The following NAV3 variants were observed in gnomAD, a reference collection of about 807,000 sequenced individuals.
NAV3 encodes the protein neuron navigator 3, also known as pore membrane and/or filament interacting like protein 1.
NAV3 carries 87 observed loss-of-function variants against 244.7 expected under a neutral mutation model. The ratio of observed to expected loss-of-function variants is 0.36; its 90% CI spans 0.30 to 0.42. NAV3 has a LOEUF of 0.42. NAV3 is among the 20% of genes least tolerant of loss of function. NAV3 has a pLI of 1.00. For missense variants in NAV3, 2,663 were observed against 2,893.3 expected, an observed-to-expected ratio of 0.92 and a Z score of 1.83; for synonymous variants, 1,126 against 1,042.2, an observed-to-expected ratio of 1.08 and a Z score of -1.55.
At chr12:77,790,585 T>G (rs543068227) in intron 2 of NAV3, among the ~76,000 whole-genome samples, 1 of 152,314 alleles carries the variant, frequency 6.6e-6, no homozygotes, top group African/African-American at 2.4e-5. Context: ...CAATCTGGCT[T>G]CATGGTTTGA....
chr12:77,728,794 A>G (rs1876996059), intron 2 of NAV3, among the ~76,000 whole-genome samples: 1 of 151,750 alleles, frequency 6.6e-6, no homozygotes, highest in South Asian at 2.1e-4. Flanking sequence ...TTATACCTAG[A>G]TCTTTTTCAA....
intron 5 of NAV3, among the ~76,000 whole-genome samples, chr12:77,978,032 TA>T (rs546431103): frequency 4.6e-4 from 69 of 150,016 alleles, no homozygotes; most frequent in African/African-American, 1.0e-3. Flanking sequence ...GTTTTGTTTG[TA>T]AAAAAAAAAT....
intron 1 of NAV3, among the ~76,000 whole-genome samples, chr12:77,896,298 A>G (rs1217099375): frequency 6.6e-6 from 1 of 152,194 alleles, no homozygotes; most frequent in Non-Finnish European, 1.5e-5. Context: ...TTAATGTAAC[A>G]AAACAGGATA....
At chr12:77,679,834 G>A (rs535552905) in intron 2 of NAV3, among the ~76,000 whole-genome samples, 12 of 152,264 alleles carry the variant, frequency 7.9e-5, no homozygotes, top group East Asian at 1.9e-4. Flanking sequence ...TAGGAGTGCC[G>A]TATGCCCATA....
chr12:78,074,881 T>C (rs1217069810), intron 12 of NAV3, among the ~76,000 whole-genome samples: 1 of 152,202 alleles, frequency 6.6e-6, no homozygotes, highest in African/African-American at 2.4e-5. Context: ...CCTCCAGTTG[T>C]CCAACCCAAC....
intron 12 of NAV3, among the ~76,000 whole-genome samples, chr12:78,070,685 G>C (rs1361327176): frequency 6.8e-6 from 1 of 147,878 alleles, no homozygotes; most frequent in African/African-American, 2.5e-5. Context: ...TATATCTCCC[G>C]ATGCTATCCC....
At chr12:77,981,865 T>C (rs143097867) in intron 5 of NAV3, among the ~76,000 whole-genome samples, 247 of 152,246 alleles carry the variant, frequency 1.6e-3, no homozygotes, top group Admixed American at 3.0e-3. Context: ...TTTCTTTCTT[T>C]GGGAATCAAG....
chr12:77,880,714 G>A (rs1882524571), intron 1 of NAV3, among the ~76,000 whole-genome samples: 1 of 152,056 alleles, frequency 6.6e-6, no homozygotes, highest in South Asian at 2.1e-4. Context: ...AGATATGTTT[G>A]GATACACAAA....
At chr12:77,627,382 C>A (rs1871680680) in intron 2 of NAV3, among the ~76,000 whole-genome samples, 1 of 152,086 alleles carries the variant, frequency 6.6e-6, no homozygotes, top group South Asian at 2.1e-4. Context: ...ACTAGCTAGA[C>A]TAACCATGAC....
intron 1 of NAV3, among the ~76,000 whole-genome samples, chr12:77,925,791 G>A (rs1888154445): frequency 6.6e-6 from 1 of 152,068 alleles, no homozygotes; most frequent in Non-Finnish European, 1.5e-5. Context: ...TGTATGAGTG[G>A]AATACAAAAT....
At chr12:78,103,849 C>A (rs1014127442) in intron 12 of NAV3, among the ~76,000 whole-genome samples, 4 of 152,204 alleles carry the variant, frequency 2.6e-5, no homozygotes, top group African/African-American at 9.6e-5. Context: ...CCTCCCACAA[C>A]ACATGGGAAT....
intron 2 of NAV3, among the ~76,000 whole-genome samples, chr12:77,671,256 G>A (rs1015740099): frequency 5.3e-5 from 8 of 151,962 alleles, no homozygotes; most frequent in Admixed American, 5.2e-4. Context: ...ACCTAACAAA[G>A]GAGGTGAAAG....
intron 1 of NAV3, among the ~76,000 whole-genome samples, chr12:77,886,875 T>G (rs1334683891): frequency 6.6e-6 from 1 of 152,166 alleles, no homozygotes; most frequent in East Asian, 1.9e-4. Context: ...CAACTTAAAA[T>G]GCCTTTGTAT....
chr12:77,617,747 A>G (rs538922884), intron 2 of NAV3, among the ~76,000 whole-genome samples: 6 of 152,194 alleles, frequency 3.9e-5, no homozygotes, highest in Non-Finnish European at 8.8e-5. Flanking sequence ...AAATTAACAG[A>G]TGTGAAAACT....
At chr12:77,818,551 G>T (rs190992987) in intron 2 of NAV3, among the ~76,000 whole-genome samples, 1 of 152,166 alleles carries the variant, frequency 6.6e-6, no homozygotes, top group East Asian at 1.9e-4. Flanking sequence ...TGGAAAGTTG[G>T]CAGTGTCTTT....
intron 2 of NAV3, among the ~76,000 whole-genome samples, chr12:77,762,586 A>C (rs1019825985): frequency 1.3e-5 from 2 of 151,942 alleles, no homozygotes; most frequent in Non-Finnish European, 2.9e-5. Flanking sequence ...CTGGCAACAG[A>C]GTGAGACTCC....
At chr12:77,990,145 C>A (rs1169205535) in intron 5 of NAV3, among the ~76,000 whole-genome samples, 4 of 81,664 alleles carry the variant, frequency 4.9e-5, no homozygotes. Context: ...CACAGAAAGC[C>A]AATCACTAAA....
intron 2 of NAV3, among the ~76,000 whole-genome samples, chr12:77,710,667 T>C (rs923809939): frequency 6.6e-6 from 1 of 152,162 alleles, no homozygotes; most frequent in Non-Finnish European, 1.5e-5. Context: ...GAGAACTAAG[T>C]CATGGAAGAG....
intron 2 of NAV3, among the ~76,000 whole-genome samples, chr12:77,607,085 A>G (rs1870702256): frequency 6.6e-6 from 1 of 152,124 alleles, no homozygotes; most frequent in African/African-American, 2.4e-5. Context: ...ATGTATAGAA[A>G]TGAGACTACA....
Sources: allele counts gnomAD v4.1 joint callset (sites outside exome capture counted in the v4.1 genomes callset), GRCh38; gene constraint gnomAD v4.1.1; transcripts MANE v1.5; gene names NCBI Gene and HGNC (gene_info 2026-07-23, HGNC 2026-07-21).